CNOT6L: variants seen among roughly 807,000 people sequenced by gnomAD.
CNOT6L encodes the protein CCR4-NOT transcription complex subunit 6 like.
A neutral mutation model predicts 64.0 loss-of-function variants in CNOT6L; 7 were observed. That is an observed-to-expected ratio of 0.11 (90% confidence interval 0.06 to 0.21). The LOEUF (loss-of-function observed/expected upper bound fraction) is 0.21. Among genes scored for constraint, CNOT6L ranks in the 10% least tolerant of loss-of-function variants. CNOT6L has a pLI of 1.00. For synonymous variants in CNOT6L, 193 were observed against 243.4 expected (o/e 0.79, Z 1.93); for missense variants, 245 against 669.0 (o/e 0.37, Z 6.99).
chr4:77,726,727 A>G (rs1373572595), intron 10 of CNOT6L, among the ~76,000 whole-genome samples: 1 of 152,192 alleles, frequency 6.6e-6, no homozygotes, highest in African/African-American at 2.4e-5. Flanking sequence ...ATTATTCCAA[A>G]CCACTATCTC....
chr4:77,754,227 T>C (rs1035900700), intron 5 of CNOT6L, among the ~76,000 whole-genome samples: 2 of 152,190 alleles, frequency 1.3e-5, no homozygotes, highest in Non-Finnish European at 2.9e-5. Context: ...AGGCATTTAG[T>C]GTTTAGGAAG....
rs1023148565 is a variant in CNOT6L at position 77,727,902 on chromosome 4, C to CT, written c.1252+951dup. Among the ~76,000 whole-genome samples, 122 of 152,046 alleles carry CT rather than the reference C, an allele frequency of 8.0e-4. 1 individual carries two copies. Among genetic ancestry groups the CT allele is most frequent in the South Asian group, 1.7e-3 (8 of 4,812 alleles). ...AAAAAGATGTTTTCAAGTTCAGTGA[C>CT]TTTTTTTTAATATTCCAAGTGTAGG... On this transcript the variant is annotated intron_variant, in intron 10 of 11. Transcript: ENST00000504123.
chr4:77,791,733 C>T (rs911247394), intron 1 of CNOT6L, among the ~76,000 whole-genome samples: 1 of 151,886 alleles, frequency 6.6e-6, no homozygotes, highest in Non-Finnish European at 1.5e-5. Flanking sequence ...ATTTAAACAA[C>T]AAATGGTAGG....
At chr4:77,779,578 A>C (rs115179300) in intron 1 of CNOT6L, among the ~76,000 whole-genome samples, 1,601 of 152,218 alleles carry the variant, frequency 0.011, 31 homozygotes, top group African/African-American at 0.037. Flanking sequence ...ATGTTTACCA[A>C]TATCTATAAT....
chr4:77,761,220 CAAA>C (rs1726190453), intron 4 of CNOT6L, among the ~76,000 whole-genome samples: 1 of 151,590 alleles, frequency 6.6e-6, no homozygotes, highest in African/African-American at 2.4e-5. Flanking sequence ...AACAAACAAA[CAAA>C]ACAAAACAAA....
Position 77,713,754 on chromosome 4 carries a change from T to G in CNOT6L, c.*6677A>C, listed in dbSNP as rs1172222814. On this transcript the variant is annotated 3_prime_UTR_variant, in exon 12 of 12. Transcript: ENST00000504123. ...ATTCAGACCTCATCAACTGTTTAAC[T>G]GTAATAAATAGAAAAATAAAGCAGC... 1 of 152,538 alleles carries G rather than the reference T, an allele frequency of 6.6e-6. No individual in the cohort carries two copies. Among genetic ancestry groups the G allele is most frequent in the Non-Finnish European group, 1.5e-5 (1 of 68,020 alleles). 9.4% of individuals were successfully genotyped at this position (152,538 alleles called of 1,614,324 possible).
intron 5 of CNOT6L, among the ~76,000 whole-genome samples, chr4:77,748,976 C>T (rs1022963822): frequency 1.2e-4 from 19 of 152,282 alleles, no homozygotes; most frequent in Admixed American, 2.6e-4. Context: ...TAAATGCTAC[C>T]TAACTACCAG....
chr4:77,811,263 G>GA (rs1052215100), intron 1 of CNOT6L, among the ~76,000 whole-genome samples: 28 of 152,118 alleles, frequency 1.8e-4, no homozygotes, highest in Admixed American at 3.9e-4. Context: ...TAAAGATCAA[G>GA]AAAGGGTCGG....
At chr4:77,768,310 C>A (rs1266646559) in intron 4 of CNOT6L, among the ~76,000 whole-genome samples, 1 of 151,540 alleles carries the variant, frequency 6.6e-6, no homozygotes, top group East Asian at 1.9e-4. Context: ...ATTAAAAATA[C>A]AAAAATTAGC....
chr4:77,810,704 A>C (rs991290671), intron 1 of CNOT6L, among the ~76,000 whole-genome samples: 4 of 152,142 alleles, frequency 2.6e-5, no homozygotes, highest in African/African-American at 9.7e-5. Flanking sequence ...TGTTAACTAT[A>C]GTCATCCTAC....
chr4:77,714,539 A>G lies in CNOT6L; in HGVS notation c.*5892T>C, dbSNP rs1206508751. On this transcript the variant is annotated 3_prime_UTR_variant, in exon 12 of 12. Transcript: ENST00000504123. ...AAGATGAAACATTCAACCTTCTCAA[A>G]ATATTCCAAGTAGTTCTATTGAACT... 6.6e-6 allele frequency: 1 copy of G among 152,362 alleles called. No individual in the cohort carries two copies. Among genetic ancestry groups the G allele is most frequent in the African/African-American group, 2.4e-5 (1 of 41,366 alleles). 9.4% of individuals were successfully genotyped at this position (152,362 alleles called of 1,614,324 possible).
chr4:77,762,182 T>C (rs1298227050), intron 4 of CNOT6L, among the ~76,000 whole-genome samples: 1 of 152,136 alleles, frequency 6.6e-6, no homozygotes, highest in Non-Finnish European at 1.5e-5. Flanking sequence ...TTCAACATAA[T>C]CCCATGACAA....
At chr4:77,780,294 A>G (rs1387328346) in intron 1 of CNOT6L, among the ~76,000 whole-genome samples, 1 of 152,166 alleles carries the variant, frequency 6.6e-6, no homozygotes, top group Non-Finnish European at 1.5e-5. Flanking sequence ...CTTATCTTTA[A>G]TTTCAAACTA....
chr4:77,748,553 A>C (rs535843746), intron 5 of CNOT6L, among the ~76,000 whole-genome samples, 169 bp from the exon 6 acceptor site: 164 of 152,314 alleles, frequency 1.1e-3, no homozygotes, highest in Middle Eastern at 3.4e-3. Context: ...GAAATTTCAG[A>C]AAAGCTATGC....
At chr4:77,802,127 T>C (rs1025213612) in intron 1 of CNOT6L, among the ~76,000 whole-genome samples, 2 of 152,178 alleles carry the variant, frequency 1.3e-5, no homozygotes, top group African/African-American at 4.8e-5. Context: ...GGAGCAGTAG[T>C]TCTAATACAG....
At chr4:77,819,639 G>A, upstream of CNOT6L, 1 of 155,748 alleles carries the variant, frequency 6.4e-6, no homozygotes, top group Non-Finnish European at 1.4e-5. Context: ...GGCGGCGACG[G>A]GGCGGCTGGT....
chr4:77,776,295 G>A lies in CNOT6L; in HGVS notation c.103C>T (p.His35Tyr), dbSNP rs201115395. The change falls in exon 2 of 12, where the codon CAC (histidine) becomes TAC (tyrosine). Residue 35 changes from histidine (H) to tyrosine (Y), a missense_variant. This residue lies in a region of CNOT6L where 78 missense variants were observed against 137.6 expected (regional missense o/e 0.57). Transcript: ENST00000504123. ...AEEVANGKKS[H>Y]WAELEISGRV... ...CCCGAGATTTCTAATTCTGCCCAGT[G>A]AGATTTTTTCCCATTGGCTACCTCC... The A allele has an allele frequency of 1.9e-6, 3 of 1,611,504 alleles. No homozygotes were observed. Among genetic ancestry groups the A allele is most frequent in the East Asian group, 4.5e-5 (2 of 44,828 alleles).
At chr4:77,799,503 G>A (rs62302675) in intron 1 of CNOT6L, among the ~76,000 whole-genome samples, 6 of 151,886 alleles carry the variant, frequency 4.0e-5, no homozygotes, top group Admixed American at 2.6e-4. Flanking sequence ...TCAAGAGTTC[G>A]AGACTAGCCT....
rs935835718 is a variant in CNOT6L at position 77,717,442 on chromosome 4, TA to T, written c.*2988del. Reference sequence around the variant, plus strand: ...CTTAGACAAATATCGAAATAATATTTAACAGTTTTAAAAAAACATGTATCAC... The same window carrying T: ...CTTAGACAAATATCGAAATAATATTTACAGTTTTAAAAAAACATGTATCAC... On this transcript the variant is annotated 3_prime_UTR_variant, in exon 12 of 12. Transcript: ENST00000504123. The T allele has an allele frequency of 7.2e-5, 11 of 152,614 alleles. No homozygotes were observed. Among genetic ancestry groups the T allele is most frequent in the African/African-American group, 2.4e-4 (10 of 41,542 alleles). The allele number at this position is 152,614 out of a possible 1,614,324, so 9.5% of individuals were successfully genotyped here. A position where few individuals can be genotyped will look rare whatever the true frequency, so the allele number is the denominator to read the frequency against.
Sources: gnomAD v4.1 joint callset for allele counts (sites outside exome capture counted in the v4.1 genomes callset) on GRCh38, gnomAD v4.1.1 for gene constraint, gnomAD v4.1.1 regional missense constraint, MANE v1.5 for transcripts, NCBI Gene and HGNC (gene_info 2026-07-23, HGNC 2026-07-21) for gene names.